The following PAPPA variants were observed in gnomAD, a reference collection of about 807,000 sequenced individuals.
PAPPA encodes the protein pappalysin 1, also known as pappalysin-1.
In PAPPA, 60 loss-of-function variants were observed where a neutral mutation model predicts 164.0. That is an observed-to-expected ratio of 0.37 (90% CI 0.30 to 0.45). The LOEUF is 0.45. Ranked by LOEUF, PAPPA falls within the 20% of genes least tolerant of loss-of-function variation. The pLI is 1.00. For missense variants in PAPPA, 1,782 were observed against 2,087.3 expected (o/e 0.85, Z 2.85); for synonymous variants, 875 against 814.1 (o/e 1.07, Z -1.27).
At chr9:116,259,555 TG>T (rs1320996180) in intron 7 of PAPPA, among the ~76,000 whole-genome samples, 1 of 152,212 alleles carries the variant, frequency 6.6e-6, no homozygotes, top group Non-Finnish European at 1.5e-5. Flanking sequence ...TACTCAGGCT[TG>T]TTAGTAATCA....
Position 116,154,293 on chromosome 9 carries a change from G to T in PAPPA, c.121G>T (p.Ala41Ser), listed in dbSNP as rs2118962232. The change falls in exon 1 of 22, where the codon GCC becomes TCC. Residue 41 changes from alanine to serine, a missense_variant. Around this residue, in one of 2 missense-constraint regions of PAPPA, gnomAD observed 458 missense variants for 430.3 expected, o/e 1.06. Transcript: ENST00000328252. The surrounding 1 kb of genome is among the most constrained non-coding windows in gnomAD (Gnocchi z 5.2). ...DPRAGRPPRP[A>S]AGPATCATRA... ...GCGGGCCGGCCGACCCCCGCGCCCCGCCGCCGGCCCGGCCACCTGCGCCAC... is the reference window on the plus strand; with the variant it reads ...GCGGGCCGGCCGACCCCCGCGCCCCTCCGCCGGCCCGGCCACCTGCGCCAC... The T allele has an allele frequency of 1.0e-6, 1 of 965,518 alleles. No individual in the cohort carries two copies. The highest frequency in any genetic ancestry group is 6.3e-5 in the Admixed American group (1 of 15,940). The allele number at this position is 965,518 out of a possible 1,614,324, so 59.8% of individuals were successfully genotyped here. A position where few individuals can be genotyped will look rare whatever the true frequency, so the allele number is the denominator to read the frequency against.
At chr9:116,382,340 A>C in intron 20 of PAPPA, 55 bp from the exon 21 acceptor site, 2 of 1,089,358 alleles carry the variant, frequency 1.8e-6, no homozygotes, top group Non-Finnish European at 1.4e-6. Flanking sequence ...GTCAGCTCCC[A>C]CTCACTCCAG....
chr9:116,361,833 T>G (rs770839856), intron 17 of PAPPA, among the ~76,000 whole-genome samples: 1 of 152,218 alleles, frequency 6.6e-6, no homozygotes, highest in Non-Finnish European at 1.5e-5. Flanking sequence ...GAATCTTACT[T>G]GAATTAGCTT....
chr9:116,389,065 T>C (rs1290354331), intron 21 of PAPPA, among the ~76,000 whole-genome samples: 2 of 151,940 alleles, frequency 1.3e-5, no homozygotes, highest in African/African-American at 4.8e-5. Flanking sequence ...AAGGGCTGGA[T>C]GTTGGGTAGC....
intron 15 of PAPPA, among the ~76,000 whole-genome samples, chr9:116,348,073 G>T (rs1213561789): frequency 6.6e-6 from 1 of 152,140 alleles, no homozygotes; most frequent in Non-Finnish European, 1.5e-5. Flanking sequence ...TGTTGTTGGG[G>T]AAGTGTGACC....
rs1041678228 is a variant in PAPPA at position 116,401,691 on chromosome 9, C to T, written c.*5075C>T. 1 of 150,730 alleles carries T rather than the reference C, an allele frequency of 6.6e-6. No homozygotes were observed. Among genetic ancestry groups the T allele is most frequent in the Non-Finnish European group, 1.5e-5 (1 of 67,630 alleles). 9.3% of individuals were successfully genotyped at this position (150,730 alleles called of 1,614,324 possible). On this transcript the variant is annotated 3_prime_UTR_variant, in exon 22 of 22. Coordinates refer to ENST00000328252, the MANE Select transcript of PAPPA (RefSeq NM_002581.5). The stretch of plus-strand genomic sequence containing the variant: ...AAACTGCTCTTCCATATTTATGTAC[C>T]ATATTATACCTTTTTATTATTGTTA...
At chr9:116,306,750 A>C (rs866886364) in intron 10 of PAPPA, among the ~76,000 whole-genome samples, 2 of 152,196 alleles carry the variant, frequency 1.3e-5, no homozygotes, top group Non-Finnish European at 2.9e-5. Context: ...CTAATGCTTT[A>C]CACAAAAGGA....
chr9:116,256,616 T>C (rs1166530419), intron 7 of PAPPA, among the ~76,000 whole-genome samples: 1 of 151,900 alleles, frequency 6.6e-6, no homozygotes, highest in Non-Finnish European at 1.5e-5. Context: ...GTTACTGTGA[T>C]TTAAAAAAAG....
intron 21 of PAPPA, among the ~76,000 whole-genome samples, chr9:116,396,163 T>C (rs1846960037): frequency 1.3e-5 from 2 of 152,206 alleles, no homozygotes; most frequent in Non-Finnish European, 1.5e-5. Flanking sequence ...CAAATTCTTA[T>C]TCCTTTCTGA....
intron 6 of PAPPA, among the ~76,000 whole-genome samples, chr9:116,233,041 A>G (rs895631062): frequency 2.0e-5 from 3 of 152,198 alleles, no homozygotes; most frequent in African/African-American, 4.8e-5. Flanking sequence ...GAGGGGTGGA[A>G]TGTTCACCTG....
intron 7 of PAPPA, among the ~76,000 whole-genome samples, chr9:116,236,848 CA>C (rs1489838944): frequency 6.6e-6 from 1 of 152,136 alleles, no homozygotes; most frequent in Non-Finnish European, 1.5e-5. Flanking sequence ...TCCAAGATCA[CA>C]CAGTTAGGAA....
At chr9:116,268,599 C>G (rs1845099393) in intron 8 of PAPPA, among the ~76,000 whole-genome samples, 1 of 151,930 alleles carries the variant, frequency 6.6e-6, no homozygotes. Context: ...ATGGTGGAAA[C>G]AGATATAGAT....
At chr9:116,261,593 T>C (rs1287167797) in intron 7 of PAPPA, among the ~76,000 whole-genome samples, 1 of 152,208 alleles carries the variant, frequency 6.6e-6, no homozygotes, top group Non-Finnish European at 1.5e-5. Flanking sequence ...CAATAAACTT[T>C]AATTTATGCA....
At chr9:116,156,257 A>T (rs10983069) in intron 1 of PAPPA, among the ~76,000 whole-genome samples, 2 of 145,288 alleles carry the variant, frequency 1.4e-5, no homozygotes, top group Non-Finnish European at 3.0e-5. Flanking sequence ...TAACTATGTA[A>T]GTGTGTCTAC....
At chr9:116,281,186 A>T (rs1208197844) in intron 9 of PAPPA, among the ~76,000 whole-genome samples, 1 of 152,170 alleles carries the variant, frequency 6.6e-6, no homozygotes, top group African/African-American at 2.4e-5. Flanking sequence ...AAGGGTCTTG[A>T]ATATCTTCAG....
rs1343054154 is a variant in PAPPA at position 116,339,902 on chromosome 9, G to A, written c.3612-4641G>A. Among the ~76,000 whole-genome samples, 3 of 152,114 alleles carry A rather than the reference G, an allele frequency of 2.0e-5. No homozygotes were observed. In the East Asian group the frequency reaches 5.8e-4, roughly 29 times the overall value. On this transcript the variant is annotated intron_variant, in intron 13 of 21. Transcript: ENST00000328252. ...ACAGCAGTGGGGGGATTGGCTATTG[G>A]ATCAGATAAGGTTTTACCTCTACAT...
intron 21 of PAPPA, among the ~76,000 whole-genome samples, chr9:116,386,960 T>C (rs1201493000): frequency 6.6e-6 from 1 of 152,140 alleles, no homozygotes; most frequent in East Asian, 1.9e-4. Flanking sequence ...GGAGAGAGGT[T>C]ACTTTCCTTT....
intron 17 of PAPPA, among the ~76,000 whole-genome samples, chr9:116,359,861 C>T (rs1272013635): frequency 6.6e-6 from 1 of 152,208 alleles, no homozygotes; most frequent in Admixed American, 6.5e-5. Context: ...GAAGTGCCAA[C>T]CTACCAGTAT....
chr9:116,178,361 G>A (rs1432834708), intron 1 of PAPPA, among the ~76,000 whole-genome samples: 2 of 152,112 alleles, frequency 1.3e-5, no homozygotes, highest in African/African-American at 4.8e-5. Context: ...GCCCACCTCA[G>A]CCTCCCAAAG....
Sources: gnomAD v4.1 joint callset for allele counts (sites outside exome capture counted in the v4.1 genomes callset) on GRCh38, gnomAD v4.1.1 for gene constraint, gnomAD v4.1.1 regional missense constraint, Gnocchi (gnomAD v3.1) non-coding constraint, MANE v1.5 for transcripts, NCBI Gene and HGNC (gene_info 2026-07-23, HGNC 2026-07-21) for gene names.